The following WDR87 variants were observed in gnomAD, a reference collection of about 807,000 sequenced individuals.
The protein encoded by WDR87 is WD repeat domain 87, also known as WD repeat-containing protein 87.
A neutral mutation model predicts 83.3 loss-of-function variants in WDR87; 56 were observed. The observed-to-expected ratio is 0.67, with a 90% CI of 0.54 to 0.84. WDR87 has a LOEUF of 0.84. WDR87 is among the 40% of genes least tolerant of loss of function. The pLI, the probability that WDR87 is intolerant of heterozygous loss-of-function variation, is 0.00. For missense variants in WDR87, 2,939 were observed against 3,431.9 expected (o/e 0.86, Z 3.59); for synonymous variants, 1,173 against 1,250.6 (o/e 0.94, Z 1.31).
Position 37,893,981 on chromosome 19 carries a change from T to C in WDR87, c.1722A>G (p.Thr574=), listed in dbSNP as rs960881840. The C allele has an allele frequency of 1.3e-6, 2 of 1,551,728 alleles. No individual in the cohort carries two copies. The highest frequency in any genetic ancestry group is 1.7e-6 in the Non-Finnish European group (2 of 1,147,046). ...TCCAGAGACGCAGGCAGTTTGTCTC[T>C]GTGATGGCACCCACAGACTTGGGCA... is the stretch of plus-strand genomic sequence containing the variant. ...ILLPKSVGAI[T]ETNCLRLWKF... is the part of the protein sequence containing the mutation. Residue 574 remains threonine (T), a synonymous_variant, in exon 4 of 6, where the codon ACA becomes ACG. Transcript: ENST00000447313.
chr19:37,899,125 A>C (rs929211830), intron 1 of WDR87, among the ~76,000 whole-genome samples: 13 of 151,610 alleles, frequency 8.6e-5, no homozygotes, highest in Middle Eastern at 3.4e-3. Flanking sequence ...TGTTTTTAAG[A>C]GATAGGGTTT....
chr19:37,884,838 A>G lies in WDR87; in HGVS notation c.*94T>C. 1 of 1,184,432 alleles carries G rather than the reference A, an allele frequency of 8.4e-7. No individual in the cohort carries two copies. The allele number at this position is 1,184,432 out of a possible 1,614,324, so 73.4% of individuals were successfully genotyped here. A position where few individuals can be genotyped will look rare whatever the true frequency, so the allele number is the denominator to read the frequency against. Reference sequence around the variant, plus strand: ...AGTGAAACACCGTCTCAAAAAAAAAAAAAAGAGAGAGAGAGAGATGAAGGT... The same window carrying G: ...AGTGAAACACCGTCTCAAAAAAAAAGAAAAGAGAGAGAGAGAGATGAAGGT... On this transcript the variant is annotated 3_prime_UTR_variant, in exon 6 of 6. Transcript: ENST00000447313.
rs1472416051 is a variant in WDR87 at position 37,888,768 on chromosome 19, C to T, written c.4903G>A (p.Ala1635Thr). ...KKRAQEERKL[A>T]QEEEKLAQEE... Reference sequence around the variant, plus strand: ...TGTGCAAGTTTCTCTTCTTCTTGTGCTAATTTCCTCTCTTCTTGGGCTCGT... The same window carrying T: ...TGTGCAAGTTTCTCTTCTTCTTGTGTTAATTTCCTCTCTTCTTGGGCTCGT... Residue 1635 changes from alanine (A) to threonine (T), a missense_variant, in exon 6 of 6, where the codon GCA becomes ACA. Ala to Thr is a moderately conservative substitution (Grantham distance 58). Around this residue, in one of 3 missense-constraint regions of WDR87, gnomAD observed 2,160 missense variants for 2,533.1 expected, o/e 0.85. Coordinates refer to ENST00000447313, the MANE Select transcript of WDR87 (RefSeq NM_001291088.2). The T allele has an allele frequency of 3.2e-6, 5 of 1,551,832 alleles. No individual in the cohort carries two copies. The highest frequency in any genetic ancestry group is 4.4e-6 in the Non-Finnish European group (5 of 1,147,052).
In WDR87 at chr19:37,894,684, C is replaced by T. The variant is rs199836690; in HGVS notation, c.1019G>A (p.Cys340Tyr). The T allele has an allele frequency of 1.0e-4, 155 of 1,551,592 alleles. 1 individual carries two copies. Among genetic ancestry groups the T allele is most frequent in the Admixed American group, 5.5e-4 (28 of 50,976 alleles). Residue 340 changes from cysteine (C) to tyrosine (Y), a missense_variant, in exon 4 of 6, where the codon TGC becomes TAC. By Grantham distance (194) the Cys-to-Tyr change is radical (BLOSUM62 -2). Coordinates refer to ENST00000447313, the MANE Select transcript of WDR87 (RefSeq NM_001291088.2). Reference protein sequence around the residue: ...LQFIDSITFFCQTAHSFSLHR... With the variant: ...LQFIDSITFFYQTAHSFSLHR... ...CAAGGAAAAACTATGGGCAGTTTGG[C>T]AGAAGAAAGTAATGCTGTCAATAAA...
intron 1 of WDR87, among the ~76,000 whole-genome samples, chr19:37,900,560 C>CAAAAAAAAAAAAAAAAAAAA (rs58946958): frequency 7.7e-5 from 6 of 78,090 alleles, no homozygotes; most frequent in Admixed American, 1.6e-4. Flanking sequence ...GACTCCGTCT[C>CAAAAAAAAAAAAAAAAAAAA]AAAAAAAAAA....
Position 37,893,372 on chromosome 19 carries a change from C to T in WDR87, c.2331G>A (p.Gln777=), listed in dbSNP as rs2145430180. Residue 777 remains glutamine (Q), a synonymous_variant, in exon 4 of 6, where the codon CAG becomes CAA. Coordinates refer to ENST00000447313, the MANE Select transcript of WDR87 (RefSeq NM_001291088.2). ...YSLQDMEDWM[Q]VSKRYQCHYV... Reference sequence around the variant, plus strand: ...AATGGCATTGGTAACGTTTGCTCACCTGCATCCAATCTTCCATGTCCTGCA... The same window carrying T: ...AATGGCATTGGTAACGTTTGCTCACTTGCATCCAATCTTCCATGTCCTGCA... 4.5e-6 allele frequency: 7 copies of T among 1,552,076 alleles called. No homozygotes were observed. In the South Asian group the frequency reaches 5.9e-5, roughly 13 times the overall value.
chr19:37,895,314 A>G lies in WDR87; in HGVS notation c.389T>C (p.Leu130Pro), dbSNP rs1285567606. ...CCGAAAGTGGTCCCCAAAGAGTCGCAGGATCAGGTCACCACAGTAGACCAC... is the reference window on the plus strand; with the variant it reads ...CCGAAAGTGGTCCCCAAAGAGTCGCGGGATCAGGTCACCACAGTAGACCAC... ...ILVVYCGDLI[L>P]RLFGDHFRAF... The change falls in exon 4 of 6, where the codon CTG (leucine) becomes CCG (proline). Residue 130 changes from leucine (L) to proline (P), a missense_variant. By Grantham distance (98) the Leu-to-Pro change is moderately conservative. Around this residue, in one of 3 missense-constraint regions of WDR87, gnomAD observed 226 missense variants for 320.9 expected, o/e 0.70. Transcript: ENST00000447313. 2 of 1,551,776 alleles carry G rather than the reference A, an allele frequency of 1.3e-6. No individual in the cohort carries two copies. The highest frequency in any genetic ancestry group is 2.0e-5 in the Admixed American group (1 of 51,008).
chr19:37,887,248 C>G lies in WDR87; in HGVS notation c.6423G>C (p.Arg2141Ser). 1 of 1,551,550 alleles carries G rather than the reference C, an allele frequency of 6.4e-7. No homozygotes were observed. The highest frequency in any genetic ancestry group is 1.2e-5 in the South Asian group (1 of 83,942). Residue 2141 changes from arginine to serine, a missense_variant, in exon 6 of 6, where the codon AGG becomes AGC. This residue lies in a region of WDR87 where 2,160 missense variants were observed against 2,533.1 expected (regional missense o/e 0.85). Transcript: ENST00000447313. ...QEEIKMTKMK[R>S]ALFVKERRLS... ...ACCTGCGCTCCTTAACAAAGAGTGC[C>G]CTCTTCATCTTTGTCATTTTTATTT...
At position 37,886,181 on chromosome 19, in the gene WDR87, T is replaced by C; in HGVS notation, c.7490A>G (p.Gln2497Arg). The change falls in exon 6 of 6, where the codon CAA becomes CGA. Residue 2497 changes from glutamine to arginine, a missense_variant. This residue lies in a region of WDR87 where 2,160 missense variants were observed against 2,533.1 expected (regional missense o/e 0.85). Transcript: ENST00000447313. The stretch of plus-strand genomic sequence containing the variant: ...AAATGGGGTCTTTAAGTCCTGTGCT[T>C]GGGACTCCAAAACTGTACCCAAAAC... Reference protein sequence around the residue: ...PHVLGTVLESQAQDLKTPFMS... With the variant: ...PHVLGTVLESRAQDLKTPFMS... The C allele has an allele frequency of 1.3e-6, 2 of 1,551,754 alleles. No homozygotes were observed. Among genetic ancestry groups the C allele is most frequent in the Non-Finnish European group, 1.7e-6 (2 of 1,147,016 alleles).
At position 37,894,391 on chromosome 19, in the gene WDR87, T is replaced by C; in HGVS notation, c.1312A>G (p.Thr438Ala). ...TGSSEVLVFD[T>A]TRCPCPAKYL... ...TTGGCTGGGCAAGGGCAGCGGGTTG[T>C]GTCAAATACCAGAACCTCTGAGCTG... is the stretch of plus-strand genomic sequence containing the variant. The change falls in exon 4 of 6, where the codon ACA (threonine) becomes GCA (alanine). Residue 438 changes from threonine (T) to alanine (A), a missense_variant. Physicochemically the swap from Thr to Ala is moderately conservative, Grantham distance 58 (BLOSUM62 0). Around this residue, in one of 3 missense-constraint regions of WDR87, gnomAD observed 553 missense variants for 577.9 expected, o/e 0.96. Transcript: ENST00000447313. The C allele has an allele frequency of 6.4e-7, 1 of 1,551,722 alleles. No homozygotes were observed. Among genetic ancestry groups the C allele is most frequent in the Non-Finnish European group, 8.7e-7 (1 of 1,147,002 alleles).
rs1426657938 is a variant in WDR87 at position 37,893,745 on chromosome 19, C to G, written c.1958G>C (p.Cys653Ser). The G allele has an allele frequency of 6.4e-6, 10 of 1,551,550 alleles. No individual in the cohort carries two copies. Among genetic ancestry groups the G allele is most frequent in the Admixed American group, 3.9e-5 (2 of 51,004 alleles). ...LDSSLHFGPV[C>S]FANDRGDLLV... ...CAGGTCACCCCGGTCATTTGCAAAACAGACTGGGCCAAAGTGCAGTGATGA... is the reference window on the plus strand; with the variant it reads ...CAGGTCACCCCGGTCATTTGCAAAAGAGACTGGGCCAAAGTGCAGTGATGA... Residue 653 changes from cysteine (C) to serine (S), a missense_variant, in exon 4 of 6, where the codon TGT becomes TCT. By Grantham distance (112) the Cys-to-Ser change is moderately radical (BLOSUM62 -1). Around this residue, in one of 3 missense-constraint regions of WDR87, gnomAD observed 553 missense variants for 577.9 expected, o/e 0.96. Coordinates refer to ENST00000447313, the MANE Select transcript of WDR87 (RefSeq NM_001291088.2).
At chr19:37,900,211 G>C (rs772896147) in intron 1 of WDR87, among the ~76,000 whole-genome samples, 1 of 152,110 alleles carries the variant, frequency 6.6e-6, no homozygotes, top group Non-Finnish European at 1.5e-5. Flanking sequence ...TTGTACAAAA[G>C]AGGAACATTA....
chr19:37,892,314 G>A (rs1203133014), intron 4 of WDR87, among the ~76,000 whole-genome samples: 2 of 152,180 alleles, frequency 1.3e-5, no homozygotes, highest in African/African-American at 4.8e-5. Flanking sequence ...AGCCTGGGAA[G>A]CAGAGGTTGT....
Position 37,894,692 on chromosome 19 carries a change from AGT to A in WDR87, c.1009_1010del (p.Thr337PhefsTer8), listed in dbSNP as rs1410997955. The A allele has an allele frequency of 1.3e-6, 2 of 1,551,760 alleles. No individual in the cohort carries two copies. Among genetic ancestry groups the A allele is most frequent in the Non-Finnish European group, 1.7e-6 (2 of 1,147,006 alleles). ...AACTATGGGCAGTTTGGCAGAAGAA[AGT>A]AATGCTGTCAATAAACTGGAGCCGG... The part of the protein sequence containing the change: ...LYRLQFIDSI[T>X]FFCQTAHSFS... On this transcript the variant is annotated frameshift_variant, in exon 4 of 6. Transcript: ENST00000447313. LOFTEE classifies it high-confidence loss of function.
In WDR87 at chr19:37,890,884, C is replaced by G. The variant is rs117120587; in HGVS notation, c.3395-608G>C. On this transcript the variant is annotated intron_variant, in intron 5 of 5. Transcript: ENST00000447313. ...CTTCCATGTTGTTGCATGTATCACT[C>G]TTTTTTATCACAGTAGTATTTCAGT... 7.0e-3 allele frequency among the ~76,000 whole-genome samples: 1,068 copies of G among 152,248 alleles called. 33 individuals carry two copies. Among genetic ancestry groups the G allele is most frequent in the East Asian group, 0.069 (356 of 5,176 alleles).
At position 37,886,151 on chromosome 19, in the gene WDR87, G is replaced by T; in HGVS notation, c.7520C>A (p.Ser2507Tyr). The part of the protein sequence containing the change: ...QAQDLKTPFM[S>Y]HILRRTVEAE... ...TTCCACGGTCCTCCTTAATATGTGG[G>T]ACATAAATGGGGTCTTTAAGTCCTG... is the stretch of plus-strand genomic sequence containing the variant. Residue 2507 changes from serine (S) to tyrosine (Y), a missense_variant, in exon 6 of 6, where the codon TCC becomes TAC. By Grantham distance (144) the Ser-to-Tyr change is moderately radical. Around this residue, in one of 3 missense-constraint regions of WDR87, gnomAD observed 2,160 missense variants for 2,533.1 expected, o/e 0.85. Transcript: ENST00000447313. 6.4e-7 allele frequency: 1 copy of T among 1,551,694 alleles called. No individual in the cohort carries two copies. Among genetic ancestry groups the T allele is most frequent in the South Asian group, 1.2e-5 (1 of 84,044 alleles).
Position 37,891,881 on chromosome 19 carries a change from AGC to A in WDR87, c.3126-63_3126-62del. 64 of 1,518,488 alleles carry A rather than the reference AGC, an allele frequency of 4.2e-5. No individual in the cohort carries two copies. The Admixed American group carries it at 5.8e-4, about 14-fold the overall frequency. 94.1% of individuals were successfully genotyped at this position (1,518,488 alleles called of 1,614,324 possible). ...GTCAGGAACAAAAGGGAGAATGGGA[AGC>A]AAAAAACGGTTGTGGAACAGGCAGG... is the stretch of plus-strand genomic sequence containing the variant. On this transcript the variant is annotated intron_variant, in intron 4 of 5. Transcript: ENST00000447313.
In WDR87 at chr19:37,886,732, T is replaced by G; in HGVS notation, c.6939A>C (p.Glu2313Asp). 1 of 1,443,536 alleles carries G rather than the reference T, an allele frequency of 6.9e-7. No individual in the cohort carries two copies. The highest frequency in any genetic ancestry group is 9.4e-7 in the Non-Finnish European group (1 of 1,066,986). The allele number at this position is 1,443,536 out of a possible 1,614,324, so 89.4% of individuals were successfully genotyped here. Residue 2313 changes from glutamate (E) to aspartate (D), a missense_variant, in exon 6 of 6, where the codon GAA (glutamate) becomes GAC (aspartate). Physicochemically the swap from Glu to Asp is conservative, Grantham distance 45. Transcript: ENST00000447313. ...EEEEERKEEE[E>D]GEEKQVEKEE... is the part of the protein sequence containing the mutation. ...CTTTCTCCACTTGCTTCTCCTCCCCTTCCTCCTCCTCCTTCCTTTCCTCCT... is the reference window on the plus strand; with the variant it reads ...CTTTCTCCACTTGCTTCTCCTCCCCGTCCTCCTCCTCCTTCCTTTCCTCCT...
intron 5 of WDR87, 63 bp from the exon 6 acceptor site, chr19:37,890,339 A>G: frequency 6.9e-7 from 1 of 1,452,084 alleles, no homozygotes. Context: ...AACCCTTCCC[A>G]ATATTAGGTG....
Sources: gnomAD v4.1 joint callset for allele counts (sites outside exome capture counted in the v4.1 genomes callset) on GRCh38, gnomAD v4.1.1 for gene constraint, gnomAD v4.1.1 regional missense constraint, MANE v1.5 for transcripts, NCBI Gene and HGNC (gene_info 2026-07-23, HGNC 2026-07-21) for gene names.